Variants in SCN3A observed in about 807,000 individuals in gnomAD.
SCN3A encodes sodium voltage-gated channel alpha subunit 3.
Under a neutral mutation model 187.6 loss-of-function variants are expected in SCN3A, and 60 were observed. That is an observed-to-expected ratio of 0.32 (90% confidence interval 0.26 to 0.40). SCN3A has a LOEUF of 0.40. SCN3A is among the 10% of genes least tolerant of loss of function. The pLI, the probability that SCN3A is intolerant of heterozygous loss-of-function variation, is 1.00. For missense variants in SCN3A, 1,601 were observed against 2,428.2 expected (o/e 0.66, Z 7.16); for synonymous variants, 788 against 829.2 (o/e 0.95, Z 0.85).
At chr2:165,191,740 A>C (rs1284654564) in intron 1 of SCN3A, among the ~76,000 whole-genome samples, 1 of 152,140 alleles carries the variant, frequency 6.6e-6, no homozygotes, top group African/African-American at 2.4e-5. Context: ...TATAATGTTT[A>C]TTATTCATTT....
At position 165,140,769 on chromosome 2, in the gene SCN3A, A is replaced by C. The variant is rs202068163; in HGVS notation, c.1901T>G (p.Met634Arg). 9.9e-6 allele frequency: 16 copies of C among 1,614,134 alleles called. 1 individual carries two copies. Among genetic ancestry groups the C allele is most frequent in the Non-Finnish European group, 1.4e-5 (16 of 1,180,006 alleles). ...NVSQASMSSR[M>R]VPGLPANGKM... ...CCCATTTGCTGGAAGCCCTGGCACC[A>C]TCCTGGATGACATACTGGCCTGACT... The change falls in exon 13 of 28, where the codon ATG (methionine) becomes AGG (arginine). Residue 634 changes from methionine (M) to arginine (R), a missense_variant. Physicochemically the swap from Met to Arg is moderately conservative, Grantham distance 91 (BLOSUM62 -1). Around this residue, in one of 11 missense-constraint regions of SCN3A, gnomAD observed 376 missense variants for 476.0 expected, o/e 0.79. Transcript: ENST00000283254. The surrounding 1 kb of genome is among the most constrained non-coding windows in gnomAD (Gnocchi z 4.2).
intron 21 of SCN3A, among the ~76,000 whole-genome samples, chr2:165,111,530 CAT>C (rs1338558352): frequency 8.1e-4 from 106 of 130,506 alleles, no homozygotes; most frequent in Non-Finnish European, 1.3e-3. Context: ...CACACACACA[CAT>C]TTACCTATTA....
chr2:165,115,827 T>C (rs928215242), intron 18 of SCN3A, among the ~76,000 whole-genome samples: 3 of 152,210 alleles, frequency 2.0e-5, no homozygotes, highest in Non-Finnish European at 4.4e-5. Context: ...GGATGGATTA[T>C]ACTGATTAAC....
At chr2:165,131,211 C>G in intron 16 of SCN3A, 33 bp downstream of exon 16, 2 of 1,402,842 alleles carry the variant, frequency 1.4e-6, no homozygotes, top group Non-Finnish European at 1.9e-6. Context: ...AATGTTGTGC[C>G]AATGAGCGAC....
In SCN3A at chr2:165,173,853, C is replaced by G. The variant is rs193000788; in HGVS notation, c.264+2278G>C. Among the ~76,000 whole-genome samples the G allele has an allele frequency of 3.3e-4, 51 of 152,294 alleles. 1 individual carries two copies. Among genetic ancestry groups the G allele is most frequent in the African/African-American group, 1.1e-3 (46 of 41,574 alleles). ...TACTTCATAAACGAAAGCAGTGCAGCCAACCGTAAAGACTATCTAGATGTC... is the reference window on the plus strand; with the variant it reads ...TACTTCATAAACGAAAGCAGTGCAGGCAACCGTAAAGACTATCTAGATGTC... On this transcript the variant is annotated intron_variant, in intron 3 of 27. Coordinates refer to ENST00000283254, the MANE Select transcript of SCN3A (RefSeq NM_006922.4).
At chr2:165,184,484 A>G (rs1691094219) in intron 2 of SCN3A, among the ~76,000 whole-genome samples, 2 of 83,418 alleles carry the variant, frequency 2.4e-5, no homozygotes, top group South Asian at 3.6e-4. Flanking sequence ...TCTAGTTCAG[A>G]AAAAAAAAAA....
Position 165,149,294 on chromosome 2 carries a change from C to G in SCN3A, c.1381-2265G>C, listed in dbSNP as rs1047592019. 1.3e-4 allele frequency among the ~76,000 whole-genome samples: 20 copies of G among 152,034 alleles called. 1 individual carries two copies. In the South Asian group the frequency reaches 3.7e-3, roughly 28 times the overall value. The stretch of plus-strand genomic sequence containing the variant: ...GGTTCAAGTGATTCTCCTGCCTCAG[C>G]CCCCTGAGTAGCTAGGATTACAGGC... On this transcript the variant is annotated intron_variant, in intron 11 of 27. Coordinates refer to ENST00000283254, the MANE Select transcript of SCN3A (RefSeq NM_006922.4).
chr2:165,177,372 G>T (rs1225620970), intron 2 of SCN3A, among the ~76,000 whole-genome samples: 2 of 152,274 alleles, frequency 1.3e-5, no homozygotes, highest in African/African-American at 2.4e-5. Flanking sequence ...TAAAATGAGG[G>T]TAGTAGGGAA....
In SCN3A at chr2:165,092,578, A is replaced by T; in HGVS notation, c.4537-54T>A. On this transcript the variant is annotated intron_variant, in intron 26 of 27. Transcript: ENST00000283254. This position sits in a 1 kb window ranked among gnomAD's most constrained non-coding sequence, Gnocchi z 4.2. ...TACTATATATATTTCATAAAGAATA[A>T]TGCAGTAAAATTGTAGATAAAGCCC... 2.0e-6 allele frequency: 3 copies of T among 1,534,234 alleles called. No homozygotes were observed. Among genetic ancestry groups the T allele is most frequent in the Non-Finnish European group, 2.7e-6 (3 of 1,110,384 alleles).
rs777088894 is a variant in SCN3A, at chr2:165,137,891, A to C, written c.2379T>G (p.Thr793=). The part of the protein sequence containing the change: ...PMTEQFSSVL[T]VGNLVFTGIF... The stretch of plus-strand genomic sequence containing the variant: ...CAAATGTACTTACCAGGTTTCCTAC[A>C]GTCAACACACTACTGAATTGCTCAG... Residue 793 remains threonine, a synonymous_variant, in exon 15 of 28, where the codon ACT becomes ACG. Transcript: ENST00000283254. The C allele has an allele frequency of 6.2e-7, 1 of 1,610,784 alleles. No homozygotes were observed. Among genetic ancestry groups the C allele is most frequent in the African/African-American group, 1.3e-5 (1 of 74,852 alleles).
At chr2:165,138,537 T>C (rs925878738) in intron 14 of SCN3A, among the ~76,000 whole-genome samples, 14 of 152,196 alleles carry the variant, frequency 9.2e-5, no homozygotes, top group Non-Finnish European at 1.8e-4. Context: ...ATAACATTTA[T>C]GAACTATTCT....
At chr2:165,181,417 T>C (rs1434840855) in intron 2 of SCN3A, among the ~76,000 whole-genome samples, 1 of 152,214 alleles carries the variant, frequency 6.6e-6, no homozygotes, top group African/African-American at 2.4e-5. Context: ...ATTTGGAAAA[T>C]GGCACATTGT....
intron 14 of SCN3A, among the ~76,000 whole-genome samples, chr2:165,139,093 C>G (rs917675537): frequency 6.6e-6 from 1 of 152,056 alleles, no homozygotes; most frequent in African/African-American, 2.4e-5. Context: ...CTCCCGCAAC[C>G]CCATCAACAC....
intron 22 of SCN3A, among the ~76,000 whole-genome samples, chr2:165,099,640 C>T (rs1018215700): frequency 6.6e-6 from 1 of 152,044 alleles, no homozygotes; most frequent in Admixed American, 6.6e-5. Flanking sequence ...TGGCGTGAAC[C>T]CGGGAGGCGG....
intron 11 of SCN3A, among the ~76,000 whole-genome samples, chr2:165,151,232 T>G (rs1261177233): frequency 6.6e-6 from 1 of 152,182 alleles, no homozygotes; most frequent in Non-Finnish European, 1.5e-5. Flanking sequence ...AAAAAATGCC[T>G]TGAGAAAGGA....
At chr2:165,113,690 C>T (rs1401995225) in intron 20 of SCN3A, 126 bp downstream of exon 20, 30 of 1,036,112 alleles carry the variant, frequency 2.9e-5, no homozygotes, top group African/African-American at 6.3e-5. Flanking sequence ...ACCTTGGGTG[C>T]CAAGCTCTGC....
chr2:165,182,596 G>T (rs922671246), intron 2 of SCN3A, among the ~76,000 whole-genome samples: 1 of 152,144 alleles, frequency 6.6e-6, no homozygotes, highest in African/African-American at 2.4e-5. Context: ...CTTGATAGGA[G>T]ATGTGAATTA....
At position 165,090,628 on chromosome 2, in the gene SCN3A, A is replaced by G; in HGVS notation, c.5525T>C (p.Val1842Ala). The G allele has an allele frequency of 6.2e-7, 1 of 1,614,114 alleles. No homozygotes were observed. Among genetic ancestry groups the G allele is most frequent in the Non-Finnish European group, 8.5e-7 (1 of 1,180,012 alleles). Residue 1842 changes from valine to alanine, a missense_variant, in exon 28 of 28, where the codon GTC (valine) becomes GCC (alanine). Physicochemically the swap from Val to Ala is moderately conservative, Grantham distance 64 (BLOSUM62 0). This residue lies in a region of SCN3A where 110 missense variants were observed against 175.9 expected (regional missense o/e 0.63). Coordinates refer to ENST00000283254, the MANE Select transcript of SCN3A (RefSeq NM_006922.4). The surrounding 1 kb of genome is among the most constrained non-coding windows in gnomAD (Gnocchi z 4.0). ...AAGACAGTGGATCCGGTCACCACTG[A>G]CCATGGGCAGATCCATGGCAATAAG... ...VQLIAMDLPM[V>A]SGDRIHCLDI...
chr2:165,182,926 A>G (rs1690976366), intron 2 of SCN3A, among the ~76,000 whole-genome samples: 1 of 149,718 alleles, frequency 6.7e-6, no homozygotes, highest in Admixed American at 6.7e-5. Context: ...GCAGTGAGCT[A>G]TGATCTTGCC....
Sources: gnomAD v4.1 joint callset for allele counts (sites outside exome capture counted in the v4.1 genomes callset) on GRCh38, gnomAD v4.1.1 for gene constraint, gnomAD v4.1.1 regional missense constraint, Gnocchi (gnomAD v3.1) non-coding constraint, MANE v1.5 for transcripts, NCBI Gene and HGNC (gene_info 2026-07-23, HGNC 2026-07-21) for gene names.